Variants in AGPAT3 observed in about 807,000 individuals in gnomAD.
AGPAT3 encodes 1-acyl-sn-glycerol-3-phosphate acyltransferase gamma.
AGPAT3 carries 5 observed loss-of-function variants against 47.3 expected under a neutral mutation model. The observed-to-expected ratio is 0.11, with a 90% CI of 0.06 to 0.22. AGPAT3 has a LOEUF of 0.22. AGPAT3 is among the 10% of genes least tolerant of loss of function. The probability of loss-of-function intolerance (pLI) is 1.00; values close to 1 mark genes in which losing one functional copy is unlikely to be tolerated. For synonymous variants in AGPAT3, 212 were observed against 208.3 expected, an observed-to-expected ratio of 1.02 and a Z score of -0.15; for missense variants, 315 against 493.0, an observed-to-expected ratio of 0.64 and a Z score of 3.42.
intron 1 of AGPAT3, among the ~76,000 whole-genome samples, chr21:43,891,560 G>A (rs1474608415): frequency 6.6e-6 from 1 of 152,028 alleles, no homozygotes. Flanking sequence ...GTGAACCCGG[G>A]AGGTGGAGTT....
At chr21:43,877,434 T>C (rs1370136948) in intron 1 of AGPAT3, among the ~76,000 whole-genome samples, 3 of 152,218 alleles carry the variant, frequency 2.0e-5, no homozygotes, top group Non-Finnish European at 4.4e-5. Context: ...AGGAAGCACC[T>C]GAAATGGTGC....
At chr21:43,881,872 G>A (rs1317040345) in intron 1 of AGPAT3, among the ~76,000 whole-genome samples, 1 of 152,206 alleles carries the variant, frequency 6.6e-6, no homozygotes, top group Non-Finnish European at 1.5e-5. Flanking sequence ...GGTCAGGCTG[G>A]TCTCGAACTC....
At chr21:43,957,569 CGGGTTTCCCCCTCCACACG>C (rs940267635) in intron 2 of AGPAT3, among the ~76,000 whole-genome samples, 6 of 147,204 alleles carry the variant, frequency 4.1e-5, no homozygotes, top group Non-Finnish European at 9.0e-5. Flanking sequence ...ACGGGGGTCT[CGGGTTTCCCCCTCCACACG>C]GGGTTTCCCC....
At chr21:43,909,237 C>T (rs1247248264) in intron 2 of AGPAT3, among the ~76,000 whole-genome samples, 1 of 152,158 alleles carries the variant, frequency 6.6e-6, no homozygotes, top group Non-Finnish European at 1.5e-5. Context: ...GGTCCATGGC[C>T]CCTTCACGGC....
rs1188992422 is a variant in AGPAT3, at chr21:43,930,554, C to A, written c.-49+26535C>A. 6.6e-6 allele frequency among the ~76,000 whole-genome samples: 1 copy of A among 151,508 alleles called. No homozygotes were observed. The highest frequency in any genetic ancestry group is 1.5e-5 in the Non-Finnish European group (1 of 67,902). ...TCTCTCAGACCTTGGGGACAGCAAGCTCTGCCCCGTGAACTCAGAGGCTGC... is the reference window on the plus strand; with the variant it reads ...TCTCTCAGACCTTGGGGACAGCAAGATCTGCCCCGTGAACTCAGAGGCTGC... On this transcript the variant is annotated intron_variant, in intron 2 of 9. Transcript: ENST00000291572. The surrounding 1 kb of genome is among the most constrained non-coding windows in gnomAD (Gnocchi z 5.0).
At chr21:43,929,722 C>T (rs569009590) in intron 2 of AGPAT3, among the ~76,000 whole-genome samples, 9 of 152,306 alleles carry the variant, frequency 5.9e-5, no homozygotes, top group Admixed American at 3.3e-4. Context: ...AGGGAGAAGA[C>T]GCGGCCCACA....
intron 2 of AGPAT3, among the ~76,000 whole-genome samples, chr21:43,951,670 T>C (rs2088199436): frequency 6.6e-6 from 1 of 152,152 alleles, no homozygotes; most frequent in Non-Finnish European, 1.5e-5. Context: ...GGCTGTGCCA[T>C]CTCCTCTGGG....
chr21:43,898,187 T>G (rs1176288416), intron 1 of AGPAT3, among the ~76,000 whole-genome samples: 1 of 152,130 alleles, frequency 6.6e-6, no homozygotes, highest in Non-Finnish European at 1.5e-5. Flanking sequence ...CTAAAAAAAT[T>G]TAACTGGATC....
In AGPAT3 at chr21:43,939,073, G is replaced by A. The variant is rs1332540759; in HGVS notation, c.-48-20561G>A. Among the ~76,000 whole-genome samples, 4 of 152,228 alleles carry A rather than the reference G, an allele frequency of 2.6e-5. No individual in the cohort carries two copies. In the East Asian group the frequency reaches 7.7e-4, roughly 29 times the overall value. On this transcript the variant is annotated intron_variant, in intron 2 of 9. Coordinates refer to ENST00000291572, the MANE Select transcript of AGPAT3 (RefSeq NM_020132.5). The surrounding 1 kb of genome is among the most constrained non-coding windows in gnomAD (Gnocchi z 4.4). The stretch of plus-strand genomic sequence containing the variant: ...AGGGGCCGCACCAGGGCTGGGACGG[G>A]GCTGCGACCAGGCTAGGGGAGCATC...
At chr21:43,898,515 A>T (rs1365340098) in intron 1 of AGPAT3, among the ~76,000 whole-genome samples, 2 of 152,034 alleles carry the variant, frequency 1.3e-5, no homozygotes, top group Non-Finnish European at 2.9e-5. Context: ...CAACTAATAG[A>T]CTGTGTATTT....
Position 43,981,023 on chromosome 21 carries a change from T to C in AGPAT3, c.878T>C (p.Met293Thr), listed in dbSNP as rs1053933071. 3 of 1,614,060 alleles carry C rather than the reference T, an allele frequency of 1.9e-6. No individual in the cohort carries two copies. In the African/African-American group the frequency reaches 4.0e-5, roughly 22 times the overall value. Reference protein sequence around the residue: ...ALQEIYNQKGMFPGEQFKPAR... With the variant: ...ALQEIYNQKGTFPGEQFKPAR... Reference sequence around the variant, plus strand: ...CAGGAGATATATAATCAGAAGGGCATGTTTCCAGGGGAGCAGTTTAAGCCT... The same window carrying C: ...CAGGAGATATATAATCAGAAGGGCACGTTTCCAGGGGAGCAGTTTAAGCCT... The change falls in exon 9 of 10, where the codon ATG becomes ACG. Residue 293 changes from methionine (M) to threonine (T), a missense_variant. Coordinates refer to ENST00000291572, the MANE Select transcript of AGPAT3 (RefSeq NM_020132.5). This position sits in a 1 kb window ranked among gnomAD's most constrained non-coding sequence, Gnocchi z 5.3.
chr21:43,886,872 A>C (rs1230860159), intron 1 of AGPAT3, among the ~76,000 whole-genome samples: 1 of 152,160 alleles, frequency 6.6e-6, no homozygotes, highest in African/African-American at 2.4e-5. Context: ...GTTGCCTCCA[A>C]ATCTTGGTTC....
chr21:43,919,106 TC>T lies in AGPAT3; in HGVS notation c.-49+15089del, dbSNP rs1328404492. On this transcript the variant is annotated intron_variant, in intron 2 of 9. Transcript: ENST00000291572. ...CATCATTTATATTCTTGGAGTGTCG[TC>T]CTTAAATGTTAGGATGCATGCTTGA... Among the ~76,000 whole-genome samples, 5 of 152,326 alleles carry T rather than the reference TC, an allele frequency of 3.3e-5. No individual in the cohort carries two copies. In the East Asian group the frequency reaches 9.6e-4, roughly 29 times the overall value.
intron 1 of AGPAT3, among the ~76,000 whole-genome samples, chr21:43,886,677 A>G (rs1413342433): frequency 6.6e-6 from 1 of 152,234 alleles, no homozygotes; most frequent in Non-Finnish European, 1.5e-5. Flanking sequence ...ACATCCCACA[A>G]ATAAGTGGGA....
At chr21:43,917,780 T>C (rs1276016036) in intron 2 of AGPAT3, among the ~76,000 whole-genome samples, 1 of 140,498 alleles carries the variant, frequency 7.1e-6, no homozygotes, top group African/African-American at 2.8e-5. Context: ...GTTGGGGTGT[T>C]GTGGGTATTG....
At chr21:43,959,388 C>T (rs1386716171) in intron 2 of AGPAT3, among the ~76,000 whole-genome samples, 5 of 75,274 alleles carry the variant, frequency 6.6e-5, no homozygotes, top group Non-Finnish European at 1.1e-4. Flanking sequence ...GTGTGTGTGA[C>T]GTGTGGTTTG....
At chr21:43,902,302 C>G (rs907119113) in intron 1 of AGPAT3, among the ~76,000 whole-genome samples, 4 of 152,152 alleles carry the variant, frequency 2.6e-5, no homozygotes, top group African/African-American at 7.2e-5. Context: ...GGCCCTTCAC[C>G]CTACTTTATG....
intron 3 of AGPAT3, 138 bp from the exon 4 acceptor site, chr21:43,967,808 A>G: frequency 1.3e-6 from 1 of 787,964 alleles, no homozygotes; most frequent in Non-Finnish European, 2.0e-6. Flanking sequence ...AAACGTACTC[A>G]GTGTAAGTCA....
intron 1 of AGPAT3, among the ~76,000 whole-genome samples, chr21:43,878,115 C>T (rs1179975411): frequency 1.3e-5 from 2 of 152,140 alleles, no homozygotes; most frequent in African/African-American, 2.4e-5. Context: ...TCAGCCCCCA[C>T]CCGTGATGAC....
Sources: gnomAD v4.1 joint callset for allele counts (sites outside exome capture counted in the v4.1 genomes callset) on GRCh38, gnomAD v4.1.1 for gene constraint, Gnocchi (gnomAD v3.1) non-coding constraint, MANE v1.5 for transcripts, NCBI Gene and HGNC (gene_info 2026-07-23, HGNC 2026-07-21) for gene names.